Variants in RABGAP1L observed in about 807,000 individuals in gnomAD.
The protein encoded by RABGAP1L is RAB GTPase activating protein 1 like.
In RABGAP1L, 63 loss-of-function variants were observed where a neutral mutation model predicts 137.7. The ratio of observed to expected loss-of-function variants is 0.46; its 90% CI spans 0.37 to 0.56. The LOEUF (loss-of-function observed/expected upper bound fraction) is 0.56. RABGAP1L is among the 20% of genes least tolerant of loss of function. The probability of loss-of-function intolerance (pLI) is 0.00; values close to 1 mark genes in which losing one functional copy is unlikely to be tolerated. For missense variants in RABGAP1L, 1,095 were observed against 1,244.0 expected (o/e 0.88, Z 1.80); for synonymous variants, 431 against 433.7 (o/e 0.99, Z 0.08).
intron 13 of RABGAP1L, among the ~76,000 whole-genome samples, chr1:174,533,127 G>A (rs1664580200): frequency 6.6e-6 from 1 of 152,146 alleles, no homozygotes; most frequent in Non-Finnish European, 1.5e-5. Context: ...CCACCTAGTC[G>A]GGAGACTGAG....
At chr1:174,346,052 A>C (rs1172822168) in intron 11 of RABGAP1L, among the ~76,000 whole-genome samples, 5 of 152,050 alleles carry the variant, frequency 3.3e-5, no homozygotes, top group Non-Finnish European at 7.4e-5. Context: ...AGATTGATTG[A>C]TTTGTGTATG....
At chr1:174,280,735 T>C (rs537997367) in intron 10 of RABGAP1L, among the ~76,000 whole-genome samples, 2 of 152,272 alleles carry the variant, frequency 1.3e-5, no homozygotes, top group Admixed American at 1.3e-4. Flanking sequence ...TCTGGGAAAG[T>C]AAACTAGAGG....
chr1:174,258,683 T>G (rs949923701), intron 7 of RABGAP1L, among the ~76,000 whole-genome samples: 1 of 152,224 alleles, frequency 6.6e-6, no homozygotes. Flanking sequence ...TCAAATTACA[T>G]AATTTTTATC....
intron 10 of RABGAP1L, among the ~76,000 whole-genome samples, chr1:174,282,140 A>G (rs564975660): frequency 3.1e-4 from 47 of 152,208 alleles, no homozygotes; most frequent in Non-Finnish European, 5.1e-4. Context: ...TTCTGTGGAC[A>G]TAGATTTTCA....
chr1:174,891,442 G>A (rs947884897), intron 19 of RABGAP1L, among the ~76,000 whole-genome samples: 12 of 152,132 alleles, frequency 7.9e-5, no homozygotes, highest in African/African-American at 2.9e-4. Context: ...AGCTATTTGT[G>A]TGTATTTATT....
chr1:174,278,537 A>T, intron 9 of RABGAP1L, 76 bp from the exon 10 acceptor site: 3 of 1,165,694 alleles, frequency 2.6e-6, no homozygotes, highest in Non-Finnish European at 3.7e-6. Flanking sequence ...TAATTCTTTC[A>T]TAAGTGAGGA....
At chr1:174,473,174 C>T (rs562657627) in intron 13 of RABGAP1L, among the ~76,000 whole-genome samples, 85 of 152,242 alleles carry the variant, frequency 5.6e-4, no homozygotes, top group African/African-American at 1.9e-3. Flanking sequence ...AGGTTATATT[C>T]TCCTGTAGAG....
chr1:174,505,300 A>G (rs890208749), intron 13 of RABGAP1L, among the ~76,000 whole-genome samples: 1 of 152,182 alleles, frequency 6.6e-6, no homozygotes, highest in Non-Finnish European at 1.5e-5. Flanking sequence ...TTTTGGTAAC[A>G]GCAGACAGTG....
intron 13 of RABGAP1L, among the ~76,000 whole-genome samples, chr1:174,474,121 C>A (rs1370880114): frequency 6.6e-6 from 1 of 152,080 alleles, no homozygotes. Context: ...TTAATGTAAT[C>A]CTAGTATATA....
At chr1:174,925,365 A>C (rs182680803) in intron 19 of RABGAP1L, among the ~76,000 whole-genome samples, 8 of 148,908 alleles carry the variant, frequency 5.4e-5, no homozygotes, top group Admixed American at 3.3e-4. Flanking sequence ...AAAAAAAAAA[A>C]AAAAAAAAAA....
At chr1:174,332,469 T>G (rs1328648362) in intron 11 of RABGAP1L, among the ~76,000 whole-genome samples, 1 of 152,172 alleles carries the variant, frequency 6.6e-6, no homozygotes, top group Admixed American at 6.6e-5. Flanking sequence ...TGATCTTGGC[T>G]GACTGCAACC....
At chr1:174,903,070 T>C (rs1297803217) in intron 19 of RABGAP1L, among the ~76,000 whole-genome samples, 1 of 152,246 alleles carries the variant, frequency 6.6e-6, no homozygotes, top group Non-Finnish European at 1.5e-5. Flanking sequence ...GCTGTAATTT[T>C]TTTTCCATTG....
chr1:174,507,811 TTAAG>T (rs887247203), intron 13 of RABGAP1L, among the ~76,000 whole-genome samples: 1 of 149,730 alleles, frequency 6.7e-6, no homozygotes, highest in African/African-American at 2.5e-5. Context: ...TGATTTACTA[TTAAG>T]TATCTTTAAT....
At chr1:174,660,076 G>A (rs114880659) in intron 14 of RABGAP1L, among the ~76,000 whole-genome samples, 43 of 152,298 alleles carry the variant, frequency 2.8e-4, no homozygotes, top group African/African-American at 1.0e-3. Flanking sequence ...CAGAACAACA[G>A]TATCAGTAAT....
chr1:174,412,776 C>G (rs892819031), intron 13 of RABGAP1L, among the ~76,000 whole-genome samples: 1 of 152,042 alleles, frequency 6.6e-6, no homozygotes, highest in African/African-American at 2.4e-5. Flanking sequence ...TTTAAGAATG[C>G]TTAAAAAAGG....
chr1:174,393,486 A>G (rs1356683299), intron 12 of RABGAP1L, among the ~76,000 whole-genome samples: 1 of 152,072 alleles, frequency 6.6e-6, no homozygotes, highest in Non-Finnish European at 1.5e-5. Flanking sequence ...TATGCCTCCT[A>G]TACTGTGGAG....
chr1:174,323,749 G>A (rs1181834564), intron 11 of RABGAP1L, among the ~76,000 whole-genome samples: 1 of 152,110 alleles, frequency 6.6e-6, no homozygotes, highest in African/African-American at 2.4e-5. Context: ...TAAAGGATCA[G>A]TTGTAGAAAA....
chr1:174,905,865 AAAAG>A (rs1658982922), intron 19 of RABGAP1L, among the ~76,000 whole-genome samples: 1 of 152,138 alleles, frequency 6.6e-6, no homozygotes, highest in African/African-American at 2.4e-5. Context: ...AAGAAAAAGA[AAAAG>A]AAAAAAGAAA....
At chr1:174,909,227 T>A (rs893903734) in intron 19 of RABGAP1L, among the ~76,000 whole-genome samples, 2 of 151,932 alleles carry the variant, frequency 1.3e-5, no homozygotes, top group Non-Finnish European at 2.9e-5. Flanking sequence ...AAAAGGTTTT[T>A]TTTTGTTTGT....
Sources: gnomAD v4.1 joint callset for allele counts (sites outside exome capture counted in the v4.1 genomes callset) on GRCh38, gnomAD v4.1.1 for gene constraint, MANE v1.5 for transcripts, NCBI Gene and HGNC (gene_info 2026-07-23, HGNC 2026-07-21) for gene names.